SLC39A11: variants seen among roughly 807,000 people sequenced by gnomAD.
SLC39A11 encodes the protein solute carrier family 39 member 11.
A neutral mutation model predicts 36.1 loss-of-function variants in SLC39A11; 33 were observed. The ratio of observed to expected loss-of-function variants is 0.91; its 90% CI spans 0.69 to 1.22. SLC39A11 has a LOEUF of 1.22. Ranked by LOEUF, SLC39A11 falls within the 50% of genes most tolerant of loss-of-function variation. SLC39A11 has a pLI of 0.00. For missense variants in SLC39A11, 432 were observed against 430.3 expected (o/e 1.00, Z -0.03); for synonymous variants, 166 against 170.3 (o/e 0.97, Z 0.20).
chr17:72,748,872 G>A (rs1008820382), intron 6 of SLC39A11, among the ~76,000 whole-genome samples: 8 of 152,200 alleles, frequency 5.3e-5, no homozygotes, highest in African/African-American at 1.9e-4. Flanking sequence ...GGTTTGCCCT[G>A]AATCTGAAGA....
intron 7 of SLC39A11, among the ~76,000 whole-genome samples, chr17:72,695,110 CAAG>C (rs1305804781): frequency 6.6e-6 from 1 of 152,266 alleles, no homozygotes; most frequent in East Asian, 1.9e-4. Flanking sequence ...TCAGAAATGC[CAAG>C]AAGGGTAGAA....
chr17:72,664,487 C>T (rs955593723), intron 7 of SLC39A11, among the ~76,000 whole-genome samples: 11 of 152,164 alleles, frequency 7.2e-5, no homozygotes, highest in African/African-American at 2.7e-4. Context: ...AAACCAGAGG[C>T]GGGGATCTAC....
intron 6 of SLC39A11, among the ~76,000 whole-genome samples, chr17:72,765,288 G>A (rs999260109): frequency 1.3e-5 from 2 of 152,106 alleles, no homozygotes; most frequent in Admixed American, 6.5e-5. Context: ...CTCCCACCTA[G>A]CAGCAGACTC....
chr17:72,955,980 C>T (rs970389052), intron 4 of SLC39A11, among the ~76,000 whole-genome samples: 10 of 152,210 alleles, frequency 6.6e-5, no homozygotes, highest in African/African-American at 1.4e-4. Flanking sequence ...CACATGAGGA[C>T]GGGTAGATAC....
At chr17:72,692,398 C>T (rs558708332) in intron 7 of SLC39A11, among the ~76,000 whole-genome samples, 11 of 152,110 alleles carry the variant, frequency 7.2e-5, no homozygotes. Flanking sequence ...TAAAGACATA[C>T]CTGAGACTGG....
At chr17:72,654,232 G>A (rs2070001154) in intron 7 of SLC39A11, among the ~76,000 whole-genome samples, 1 of 139,910 alleles carries the variant, frequency 7.1e-6, no homozygotes, top group South Asian at 2.1e-4. Context: ...GGAGGGTGAT[G>A]GGTGCCGCTT....
chr17:73,047,701 C>T lies in SLC39A11; in HGVS notation c.148-15987G>A, dbSNP rs991678927. Among the ~76,000 whole-genome samples, 6 of 151,800 alleles carry T rather than the reference C, an allele frequency of 4.0e-5. No homozygotes were observed. The East Asian group carries it at 7.8e-4, about 20-fold the overall frequency. Reference sequence around the variant, plus strand: ...AAAATAAATAGGCTGGGCGAGGTAGCGCACATCTGTAATCCCAGCACTTTG... The same window carrying T: ...AAAATAAATAGGCTGGGCGAGGTAGTGCACATCTGTAATCCCAGCACTTTG... On this transcript the variant is annotated intron_variant, in intron 3 of 9. Transcript: ENST00000255559.
chr17:72,965,363 C>T (rs544960182), intron 4 of SLC39A11, among the ~76,000 whole-genome samples: 7 of 152,132 alleles, frequency 4.6e-5, no homozygotes, highest in Non-Finnish European at 1.0e-4. Flanking sequence ...TCCCTGGTTT[C>T]TGGCGTTTCA....
chr17:72,953,361 A>C (rs1188544677), intron 4 of SLC39A11, among the ~76,000 whole-genome samples: 3 of 152,204 alleles, frequency 2.0e-5, no homozygotes, highest in Non-Finnish European at 4.4e-5. Context: ...AAAGAAAGAA[A>C]GATGATGAAA....
intron 7 of SLC39A11, among the ~76,000 whole-genome samples, chr17:72,655,790 G>T (rs1049454314): frequency 2.0e-5 from 3 of 152,184 alleles, no homozygotes; most frequent in Non-Finnish European, 4.4e-5. Flanking sequence ...CGGGGATATG[G>T]ATGCATAACA....
chr17:72,986,238 T>C (rs2088742992), intron 4 of SLC39A11, among the ~76,000 whole-genome samples: 1 of 152,214 alleles, frequency 6.6e-6, no homozygotes, highest in African/African-American at 2.4e-5. Context: ...CCCAGAAGCC[T>C]GACGGCTGTG....
At chr17:72,733,172 A>G (rs1213709183) in intron 7 of SLC39A11, among the ~76,000 whole-genome samples, 1 of 152,226 alleles carries the variant, frequency 6.6e-6, no homozygotes. Flanking sequence ...GAGGATCTGA[A>G]ACCACCTACC....
chr17:72,797,580 C>T (rs1214223227), intron 6 of SLC39A11, among the ~76,000 whole-genome samples: 1 of 152,074 alleles, frequency 6.6e-6, no homozygotes, highest in Non-Finnish European at 1.5e-5. Flanking sequence ...GGCGAATTGA[C>T]TGTGGTGCAC....
intron 3 of SLC39A11, among the ~76,000 whole-genome samples, chr17:73,057,660 A>G (rs4325634): frequency 0.82 from 124,624 of 152,236 alleles, 51,253 homozygotes; most frequent in East Asian, 0.94. Context: ...GGCTGAGGCC[A>G]GGCGCGGTGG....
intron 5 of SLC39A11, among the ~76,000 whole-genome samples, chr17:72,880,714 C>T (rs899253201): frequency 1.3e-5 from 2 of 151,452 alleles, no homozygotes; most frequent in Non-Finnish European, 2.9e-5. Context: ...CAGAGTCTCG[C>T]TCTGTCACCC....
chr17:72,653,357 C>T (rs1173805206), intron 7 of SLC39A11, among the ~76,000 whole-genome samples: 1 of 151,732 alleles, frequency 6.6e-6, no homozygotes, highest in Non-Finnish European at 1.5e-5. Flanking sequence ...GATCCACCTG[C>T]CTCAGCCTTG....
chr17:72,768,263 C>T (rs1283462365), intron 6 of SLC39A11, among the ~76,000 whole-genome samples: 1 of 152,206 alleles, frequency 6.6e-6, no homozygotes, highest in African/African-American at 2.4e-5. Context: ...TTTCAATAGC[C>T]TCACAAGGCA....
chr17:73,015,504 C>T (rs2090755935), intron 4 of SLC39A11, among the ~76,000 whole-genome samples: 1 of 152,224 alleles, frequency 6.6e-6, no homozygotes, highest in South Asian at 2.1e-4. Flanking sequence ...CCCTGTATGC[C>T]ATCCGATTCT....
chr17:73,025,202 G>A (rs752865909), intron 4 of SLC39A11, among the ~76,000 whole-genome samples: 9 of 152,116 alleles, frequency 5.9e-5, no homozygotes, highest in Non-Finnish European at 7.4e-5. Flanking sequence ...CCTGGAGCCC[G>A]TCTGGGCAGG....
Sources: gnomAD v4.1 joint callset for allele counts (sites outside exome capture counted in the v4.1 genomes callset) on GRCh38, gnomAD v4.1.1 for gene constraint, MANE v1.5 for transcripts, NCBI Gene and HGNC (gene_info 2026-07-23, HGNC 2026-07-21) for gene names.